PIK3C3: variants seen among roughly 807,000 people sequenced by gnomAD.
The protein encoded by PIK3C3 is phosphatidylinositol 3-kinase catalytic subunit type 3.
Under a neutral mutation model 126.1 loss-of-function variants are expected in PIK3C3, and 95 were observed. The observed-to-expected ratio is 0.75, with a 90% CI of 0.64 to 0.89. The LOEUF (loss-of-function observed/expected upper bound fraction) is 0.89. PIK3C3 is among the 40% of genes least tolerant of loss of function. PIK3C3 has a pLI of 0.00. For missense variants in PIK3C3, 829 were observed against 1,063.2 expected, an observed-to-expected ratio of 0.78 and a Z score of 3.06; for synonymous variants, 374 against 360.0, an observed-to-expected ratio of 1.04 and a Z score of -0.44.
At chr18:42,077,337 C>G (rs1003124555) in intron 24 of PIK3C3, among the ~76,000 whole-genome samples, 2 of 152,206 alleles carry the variant, frequency 1.3e-5, no homozygotes, top group Admixed American at 6.5e-5. Context: ...CACAAAAGAT[C>G]TCTCTGTAGC....
chr18:41,991,327 C>T (rs1007351574), intron 6 of PIK3C3, among the ~76,000 whole-genome samples: 6 of 151,796 alleles, frequency 4.0e-5, no homozygotes, highest in African/African-American at 9.7e-5. Flanking sequence ...GTTTGAGACC[C>T]GCCTGGGCAA....
chr18:42,061,399 A>G (rs1000926233), intron 22 of PIK3C3, among the ~76,000 whole-genome samples: 9 of 152,184 alleles, frequency 5.9e-5, no homozygotes, highest in Admixed American at 1.3e-4. Context: ...CCTGGCCAAC[A>G]TGGTGAAACC....
At chr18:42,070,674 T>C (rs1215247795) in intron 24 of PIK3C3, among the ~76,000 whole-genome samples, 1 of 152,164 alleles carries the variant, frequency 6.6e-6, no homozygotes, top group Admixed American at 6.5e-5. Context: ...GTTTTTGATA[T>C]AAATTTAATA....
At chr18:42,049,663 T>A in intron 21 of PIK3C3, 58 bp downstream of exon 21, 4 of 1,290,452 alleles carry the variant, frequency 3.1e-6, no homozygotes, top group Non-Finnish European at 4.5e-6. Context: ...TTTTTACCCC[T>A]GAATCTATGT....
At chr18:41,966,425 C>A (rs1021938415) in intron 3 of PIK3C3, among the ~76,000 whole-genome samples, 4 of 152,050 alleles carry the variant, frequency 2.6e-5, no homozygotes, top group African/African-American at 9.7e-5. Context: ...CTGCCTCGCC[C>A]TCCCAAAGTG....
chr18:42,010,176 A>G (rs1982755713), intron 10 of PIK3C3, among the ~76,000 whole-genome samples: 1 of 152,192 alleles, frequency 6.6e-6, no homozygotes, highest in South Asian at 2.1e-4. Context: ...AACAATGTTC[A>G]CAGCATCTTC....
intron 10 of PIK3C3, among the ~76,000 whole-genome samples, chr18:42,008,226 A>G (rs1270137812): frequency 1.3e-5 from 2 of 152,156 alleles, no homozygotes; most frequent in African/African-American, 4.8e-5. Context: ...GAAATTTTTA[A>G]ATCATATTTC....
intron 4 of PIK3C3, among the ~76,000 whole-genome samples, chr18:41,979,064 TA>T (rs5824388): frequency 1.7e-3 from 160 of 93,772 alleles, no homozygotes; most frequent in Admixed American, 2.1e-3. Flanking sequence ...CCCCGTCTCT[TA>T]AAAAAAAAAA....
At chr18:42,062,270 G>C (rs1311990500) in intron 22 of PIK3C3, among the ~76,000 whole-genome samples, 1 of 150,432 alleles carries the variant, frequency 6.6e-6, no homozygotes, top group African/African-American at 2.4e-5. Flanking sequence ...ATGTAACAGC[G>C]GATTGTACGC....
At chr18:41,970,570 T>G in intron 4 of PIK3C3, 114 bp downstream of exon 4, 2 of 920,784 alleles carry the variant, frequency 2.2e-6, no homozygotes, top group Non-Finnish European at 1.7e-6. Flanking sequence ...TCTTAACTTT[T>G]AAATAATTGT....
chr18:42,049,360 T>A (rs985317070), intron 20 of PIK3C3, 171 bp from the exon 21 acceptor site: 1 of 455,848 alleles, frequency 2.2e-6, no homozygotes. Flanking sequence ...AATAGTACTT[T>A]GAGTTTCAAG....
chr18:42,041,367 G>A (rs1009785379), intron 19 of PIK3C3, among the ~76,000 whole-genome samples: 1 of 151,780 alleles, frequency 6.6e-6, no homozygotes, highest in Non-Finnish European at 1.5e-5. Context: ...TGATATTGTT[G>A]CTCATCTGTC....
chr18:41,957,148 C>CT (rs752119608), intron 1 of PIK3C3, among the ~76,000 whole-genome samples: 17 of 152,216 alleles, frequency 1.1e-4, no homozygotes, highest in Non-Finnish European at 1.9e-4. Context: ...TTTCTTTCTT[C>CT]TGGGCTTCTT....
In PIK3C3 at chr18:42,081,107, T is replaced by C. The variant is rs769197700; in HGVS notation, c.2650-16T>C. ...AAGTAAATTATTTTCTGTTTATTTC[T>C]TTTTAATTTTTGTAGTACTGGAGAA... On this transcript the variant is annotated splice_polypyrimidine_tract_variant and intron_variant, in intron 24 of 24. Coordinates refer to ENST00000262039, the MANE Select transcript of PIK3C3 (RefSeq NM_002647.4). The C allele has an allele frequency of 6.8e-7, 1 of 1,466,006 alleles. No individual in the cohort carries two copies. Among genetic ancestry groups the C allele is most frequent in the Non-Finnish European group, 9.5e-7 (1 of 1,054,430 alleles). 90.8% of individuals were successfully genotyped at this position (1,466,006 alleles called of 1,614,324 possible).
chr18:42,071,531 C>G (rs1204800522), intron 24 of PIK3C3, among the ~76,000 whole-genome samples: 3 of 151,966 alleles, frequency 2.0e-5, no homozygotes, highest in Admixed American at 6.6e-5. Flanking sequence ...ACCAGCCTGA[C>G]CAACATGGTG....
rs1373931573 is a variant in PIK3C3 at position 42,081,440 on chromosome 18, G to A, written c.*303G>A. On this transcript the variant is annotated 3_prime_UTR_variant, in exon 25 of 25. Transcript: ENST00000262039. ...ACATGTTATGAGAGTTCTGGAGGAAGTAATATGTTGAAATAGTAAAACATT... is the reference window on the plus strand; with the variant it reads ...ACATGTTATGAGAGTTCTGGAGGAAATAATATGTTGAAATAGTAAAACATT... The A allele has an allele frequency of 6.3e-5, 19 of 301,798 alleles. No individual in the cohort carries two copies. The highest frequency in any genetic ancestry group is 5.9e-4 in the East Asian group (12 of 20,358). The allele number at this position is 301,798 out of a possible 1,614,324, so 18.7% of individuals were successfully genotyped here.
Position 42,076,161 on chromosome 18 carries a change from T to TGC in PIK3C3, c.2650-4961_2650-4960dup, listed in dbSNP as rs1491541887. ...ATATATATGCGCATATATATATATA[T>TGC]GCACATATATATATATGCACATATA... On this transcript the variant is annotated intron_variant, in intron 24 of 24. Coordinates refer to ENST00000262039, the MANE Select transcript of PIK3C3 (RefSeq NM_002647.4). Among the ~76,000 whole-genome samples, 314 of 96,876 alleles carry TGC rather than the reference T, an allele frequency of 3.2e-3. 12 individuals are homozygous for TGC. The highest frequency in any genetic ancestry group is 0.015 in the African/African-American group (290 of 19,746). 63.6% of individuals were successfully genotyped at this position (96,876 alleles called of 152,430 possible).
intron 9 of PIK3C3, among the ~76,000 whole-genome samples, chr18:42,003,850 C>T (rs1490644107): frequency 1.3e-5 from 2 of 152,168 alleles, no homozygotes; most frequent in Non-Finnish European, 2.9e-5. Context: ...TACTCCACAT[C>T]GTTTGAGTCT....
chr18:42,004,643 G>A, intron 10 of PIK3C3, 102 bp downstream of exon 10: 1 of 897,088 alleles, frequency 1.1e-6, no homozygotes. Context: ...GAGAGAGTGT[G>A]TGCACATGCA....
Sources: allele counts gnomAD v4.1 joint callset (sites outside exome capture counted in the v4.1 genomes callset), GRCh38; gene constraint gnomAD v4.1.1; transcripts MANE v1.5; gene names NCBI Gene and HGNC (gene_info 2026-07-23, HGNC 2026-07-21).